The following FCER1G variants were observed in gnomAD, a reference collection of about 807,000 sequenced individuals.
FCER1G encodes the protein high affinity immunoglobulin epsilon receptor subunit gamma.
Under a neutral mutation model 17.3 loss-of-function variants are expected in FCER1G, and 7 were observed. The ratio of observed to expected loss-of-function variants is 0.40; its 90% CI spans 0.23 to 0.76. FCER1G has a LOEUF of 0.76. FCER1G is among the 30% of genes least tolerant of loss of function. FCER1G has a pLI of 0.35. For missense variants in FCER1G, 87 were observed against 97.7 expected (o/e 0.89, Z 0.46); for synonymous variants, 35 against 38.7 (o/e 0.90, Z 0.35).
chr1:161,215,358 G>T lies in FCER1G; in HGVS notation c.37G>T (p.Val13Phe), dbSNP rs778831663. 1.2e-6 allele frequency: 2 copies of T among 1,613,714 alleles called. No individual in the cohort carries two copies. Among genetic ancestry groups the T allele is most frequent in the Admixed American group, 1.7e-5 (1 of 59,990 alleles). ...PAVVLLLLLLVEQAAALGEPQ... is the reference protein window; with the variant it reads ...PAVVLLLLLLFEQAAALGEPQ... ...AGTGGTCTTGCTCTTACTCCTTTTG[G>T]TTGAACAAGCAGGTAAGAGGGTTTG... is the stretch of plus-strand genomic sequence containing the variant. The change falls in exon 1 of 5, where the codon GTT (valine) becomes TTT (phenylalanine). Residue 13 changes from valine to phenylalanine, a missense_variant. Physicochemically the swap from Val to Phe is conservative, Grantham distance 50. Coordinates refer to ENST00000289902, the MANE Select transcript of FCER1G (RefSeq NM_004106.2).
intron 1 of FCER1G, among the ~76,000 whole-genome samples, chr1:161,216,573 T>C (rs1666060164): frequency 1.3e-5 from 2 of 151,956 alleles, no homozygotes; most frequent in East Asian, 1.9e-4. Flanking sequence ...CTGTCAGCAG[T>C]TGATAATGAG....
intron 1 of FCER1G, among the ~76,000 whole-genome samples, chr1:161,216,427 TAGAGAGAG>T (rs543686283): frequency 2.2e-5 from 3 of 136,062 alleles, no homozygotes; most frequent in South Asian, 2.5e-4. Context: ...TATATATATA[TAGAGAGAG>T]AGAGAGAGAG....
chr1:161,217,070 AG>A (rs1311091787), intron 1 of FCER1G, among the ~76,000 whole-genome samples: 4 of 152,224 alleles, frequency 2.6e-5, no homozygotes, highest in African/African-American at 9.7e-5. Context: ...TTTCCCTCAC[AG>A]GGTAGTTTTA....
chr1:161,218,761 GAA>G, intron 4 of FCER1G, 38 bp downstream of exon 4: 1 of 1,611,752 alleles, frequency 6.2e-7, no homozygotes, highest in Admixed American at 1.7e-5. Context: ...GAAGTCAGCA[GAA>G]GAGGGTGGGA....
chr1:161,218,252 A>T lies in FCER1G; in HGVS notation c.153A>T (p.Arg51=). The T allele has an allele frequency of 6.2e-7, 1 of 1,613,966 alleles. No individual in the cohort carries two copies. Among genetic ancestry groups the T allele is most frequent in the Non-Finnish European group, 8.5e-7 (1 of 1,179,818 alleles). Residue 51 remains arginine (R), a synonymous_variant, in exon 3 of 5, where the codon CGA becomes CGT. Transcript: ENST00000289902. Reference sequence around the variant, plus strand: ...TTCCCCCATTCCAGATCCAAGTGCGAAAGGCAGCTATAACCAGCTATGAGG... The same window carrying T: ...TTCCCCCATTCCAGATCCAAGTGCGTAAGGCAGCTATAACCAGCTATGAGG... ...LLYCRLKIQV[R]KAAITSYEKS...
chr1:161,216,024 G>T (rs1216709137), intron 1 of FCER1G, among the ~76,000 whole-genome samples: 1 of 152,096 alleles, frequency 6.6e-6, no homozygotes, highest in Non-Finnish European at 1.5e-5. Context: ...TCTTTTCAGG[G>T]TTGATAGAAA....
intron 1 of FCER1G, 150 bp downstream of exon 1, chr1:161,215,520 C>A: frequency 2.7e-6 from 2 of 728,244 alleles, no homozygotes; most frequent in South Asian, 1.4e-5. Flanking sequence ...TCTCCAGCCC[C>A]GACCCAGGGC....
Position 161,219,116 on chromosome 1 carries a change from C to A in FCER1G, c.*173C>A, listed in dbSNP as rs1666111515. 6.5e-6 allele frequency: 4 copies of A among 611,854 alleles called. No homozygotes were observed. In the Admixed American group the frequency reaches 8.9e-5, roughly 14 times the overall value. The allele number at this position is 611,854 out of a possible 1,614,324, so 37.9% of individuals were successfully genotyped here. ...TCCTCCTCCCTGTTAAAGACTAATGCTCAGATGCTGTTTACGGATATTTAT... is the reference window on the plus strand; with the variant it reads ...TCCTCCTCCCTGTTAAAGACTAATGATCAGATGCTGTTTACGGATATTTAT... On this transcript the variant is annotated 3_prime_UTR_variant, in exon 5 of 5. Coordinates refer to ENST00000289902, the MANE Select transcript of FCER1G (RefSeq NM_004106.2).
In FCER1G at chr1:161,218,097, G is replaced by A. The variant is rs1162900039; in HGVS notation, c.141+20G>A. The A allele has an allele frequency of 6.3e-7, 1 of 1,593,382 alleles. No individual in the cohort carries two copies. Among genetic ancestry groups the A allele is most frequent in the Non-Finnish European group, 8.6e-7 (1 of 1,161,134 alleles). On this transcript the variant is annotated intron_variant, in intron 2 of 4. Coordinates refer to ENST00000289902, the MANE Select transcript of FCER1G (RefSeq NM_004106.2). ...CTGAAGGTAGCGCTGGGCAGGGTGG[G>A]GTAAGGGCTGGAAGGGGAAGTGGGA...
rs113220867 is a variant in FCER1G at position 161,215,306 on chromosome 1, C to G, written c.-16C>G. ...AGCTGCACAGTGCTGTCAGAACGGC[C>G]GATCTCCAGCCCAAGATGATTCCAG... On this transcript the variant is annotated 5_prime_UTR_variant, in exon 1 of 5. Transcript: ENST00000289902. 419 of 1,613,252 alleles carry G rather than the reference C, an allele frequency of 2.6e-4. 2 individuals are homozygous for G. In the African/African-American group the frequency reaches 5.1e-3, roughly 20 times the overall value.
In FCER1G at chr1:161,215,349, C is replaced by T. The variant is rs764131080; in HGVS notation, c.28C>T (p.Leu10Phe). Reference protein sequence around the residue: MIPAVVLLLLLLVEQAAALG... With the variant: MIPAVVLLLFLLVEQAAALG... Reference sequence around the variant, plus strand: ...GATTCCAGCAGTGGTCTTGCTCTTACTCCTTTTGGTTGAACAAGCAGGTAA... The same window carrying T: ...GATTCCAGCAGTGGTCTTGCTCTTATTCCTTTTGGTTGAACAAGCAGGTAA... Residue 10 changes from leucine to phenylalanine, a missense_variant, in exon 1 of 5, where the codon CTC becomes TTC. By Grantham distance (22) the Leu-to-Phe change is conservative. Transcript: ENST00000289902. The T allele has an allele frequency of 6.2e-7, 1 of 1,613,782 alleles. No homozygotes were observed. The highest frequency in any genetic ancestry group is 1.3e-5 in the African/African-American group (1 of 75,004).
chr1:161,217,098 G>T (rs1453013765), intron 1 of FCER1G, among the ~76,000 whole-genome samples: 1 of 152,196 alleles, frequency 6.6e-6, no homozygotes, highest in South Asian at 2.1e-4. Flanking sequence ...GTGCAATATC[G>T]TGTGTGTGAA....
intron 4 of FCER1G, 45 bp downstream of exon 4, chr1:161,218,768 G>A: frequency 6.2e-7 from 1 of 1,611,476 alleles, no homozygotes; most frequent in Non-Finnish European, 8.5e-7. Flanking sequence ...GCAGAAGAGG[G>A]TGGGATTTTG....
Position 161,219,158 on chromosome 1 carries a change from C to T in FCER1G, c.*215C>T. 1 of 568,878 alleles carries T rather than the reference C, an allele frequency of 1.8e-6. No individual in the cohort carries two copies. Among genetic ancestry groups the T allele is most frequent in the South Asian group, 2.2e-5 (1 of 45,280 alleles). 35.2% of individuals were successfully genotyped at this position (568,878 alleles called of 1,614,324 possible). A position where few individuals can be genotyped will look rare whatever the true frequency, so the allele number is the denominator to read the frequency against. Reference sequence around the variant, plus strand: ...GATATTTATATTCTAGTCTCACTCTCTTGTCCCACCCTTCTTCTCTTCCCC... The same window carrying T: ...GATATTTATATTCTAGTCTCACTCTTTTGTCCCACCCTTCTTCTCTTCCCC... On this transcript the variant is annotated 3_prime_UTR_variant, in exon 5 of 5. Coordinates refer to ENST00000289902, the MANE Select transcript of FCER1G (RefSeq NM_004106.2).
chr1:161,216,175 C>T (rs1020113082), intron 1 of FCER1G, among the ~76,000 whole-genome samples: 7 of 151,740 alleles, frequency 4.6e-5, no homozygotes, highest in African/African-American at 1.7e-4. Flanking sequence ...ATATACAAAG[C>T]ACCCTTGGTG....
At position 161,219,056 on chromosome 1, in the gene FCER1G, T is replaced by A; in HGVS notation, c.*113T>A. 1 of 751,260 alleles carries A rather than the reference T, an allele frequency of 1.3e-6. No individual in the cohort carries two copies. The highest frequency in any genetic ancestry group is 2.4e-6 in the Non-Finnish European group (1 of 423,626). The allele number at this position is 751,260 out of a possible 1,614,324, so 46.5% of individuals were successfully genotyped here. A position where few individuals can be genotyped will look rare whatever the true frequency, so the allele number is the denominator to read the frequency against. On this transcript the variant is annotated 3_prime_UTR_variant, in exon 5 of 5. Coordinates refer to ENST00000289902, the MANE Select transcript of FCER1G (RefSeq NM_004106.2). The stretch of plus-strand genomic sequence containing the variant: ...ACACCAGCTGGCCCTACCCCTATAA[T>A]GATCCTGTGTCCTAAATTAATATAC...
rs546630081 is a variant in FCER1G, at chr1:161,217,987, G to A, written c.51G>A (p.Ala17=). 1.1e-5 allele frequency: 18 copies of A among 1,611,362 alleles called. No homozygotes were observed. In the East Asian group the frequency reaches 1.8e-4, roughly 16 times the overall value. ...CATGGGCATCCTCTATCCCCTCAGC[G>A]GCCCTGGGAGAGCCTCAGCTCTGCT... ...LLLLLLVEQA[A]ALGEPQLCYI... Residue 17 remains alanine (A), a splice_region_variant and synonymous_variant, in exon 2 of 5, where the codon GCG becomes GCA. Transcript: ENST00000289902.
intron 1 of FCER1G, among the ~76,000 whole-genome samples, chr1:161,216,348 C>G (rs1404487408): frequency 6.8e-6 from 1 of 146,350 alleles, no homozygotes; most frequent in Non-Finnish European, 1.5e-5. Context: ...ATATCTCTAT[C>G]TATCTATCTA....
chr1:161,215,495 C>A, intron 1 of FCER1G, 125 bp downstream of exon 1: 1 of 837,784 alleles, frequency 1.2e-6, no homozygotes. Flanking sequence ...CATAGGGAGA[C>A]CCTGAGGCTA....
Sources: allele counts gnomAD v4.1 joint callset (sites outside exome capture counted in the v4.1 genomes callset), GRCh38; gene constraint gnomAD v4.1.1; transcripts MANE v1.5; gene names NCBI Gene and HGNC (gene_info 2026-07-23, HGNC 2026-07-21).